The following CDH13 variants were observed in gnomAD, a reference collection of about 807,000 sequenced individuals.
The protein encoded by CDH13 is cadherin 13, also known as cadherin-13.
CDH13 carries 24 observed loss-of-function variants against 63.8 expected under a neutral mutation model. The observed-to-expected ratio is 0.38, with a 90% CI of 0.27 to 0.53. CDH13 has a LOEUF of 0.53. Ranked by LOEUF, CDH13 falls within the 20% of genes least tolerant of loss-of-function variation. CDH13 has a pLI of 0.85. For missense variants in CDH13, 1,049 were observed against 903.1 expected (o/e 1.16, Z -2.07); for synonymous variants, 503 against 355.3 (o/e 1.42, Z -4.67).
chr16:83,289,128 C>T (rs1205522311), intron 5 of CDH13, among the ~76,000 whole-genome samples: 6 of 152,060 alleles, frequency 3.9e-5, no homozygotes, highest in Admixed American at 6.5e-5. Flanking sequence ...CTACAAGAAC[C>T]AAAAAAGACA....
chr16:83,430,431 A>G (rs934956067), intron 6 of CDH13, among the ~76,000 whole-genome samples: 5 of 152,364 alleles, frequency 3.3e-5, no homozygotes, highest in East Asian at 3.9e-4. Context: ...AACCTAATTG[A>G]TGGGAGCTAA....
intron 1 of CDH13, among the ~76,000 whole-genome samples, chr16:82,803,172 G>A (rs961297684): frequency 1.3e-5 from 2 of 152,162 alleles, no homozygotes; most frequent in African/African-American, 4.8e-5. Flanking sequence ...ATAGGTCTAG[G>A]CTACTCTCAG....
At chr16:83,465,990 C>G (rs542594984) in intron 6 of CDH13, among the ~76,000 whole-genome samples, 100 of 152,302 alleles carry the variant, frequency 6.6e-4, no homozygotes, top group Middle Eastern at 3.4e-3. Context: ...GAGGAGAAGT[C>G]TCTTCTGCTT....
At chr16:83,159,800 C>T (rs1046555627) in intron 4 of CDH13, among the ~76,000 whole-genome samples, 2 of 152,126 alleles carry the variant, frequency 1.3e-5, no homozygotes, top group African/African-American at 4.8e-5. Context: ...TGCACCTGGG[C>T]ACGGTGGGTC....
At position 83,113,400 on chromosome 16, in the gene CDH13, C is replaced by A. The variant is rs369921386; in HGVS notation, c.367-11985C>A. Among the ~76,000 whole-genome samples the A allele has an allele frequency of 5.9e-5, 9 of 152,372 alleles. No homozygotes were observed. The South Asian group carries it at 1.9e-3, about 32-fold the overall frequency. Reference sequence around the variant, plus strand: ...GTTACCTGGATTACTCAAATTCTTACAATAACTCTATATTTATTTCATAAT... The same window carrying A: ...GTTACCTGGATTACTCAAATTCTTAAAATAACTCTATATTTATTTCATAAT... On this transcript the variant is annotated intron_variant, in intron 3 of 13. Transcript: ENST00000567109.
At chr16:83,265,246 C>T (rs1907468218) in intron 5 of CDH13, among the ~76,000 whole-genome samples, 1 of 152,058 alleles carries the variant, frequency 6.6e-6, no homozygotes, top group Non-Finnish European at 1.5e-5. Context: ...AAACTGGGAA[C>T]TCTGTTTGCC....
At chr16:82,943,082 C>T (rs1242196473) in intron 2 of CDH13, among the ~76,000 whole-genome samples, 1 of 152,216 alleles carries the variant, frequency 6.6e-6, no homozygotes, top group Non-Finnish European at 1.5e-5. Context: ...TCTTATGGTG[C>T]ATGACTAATT....
intron 2 of CDH13, among the ~76,000 whole-genome samples, chr16:82,954,994 C>A (rs1024905537): frequency 1.3e-5 from 2 of 152,102 alleles, no homozygotes; most frequent in African/African-American, 4.8e-5. Flanking sequence ...AATAATATTC[C>A]ATTGCCTGGA....
chr16:83,357,069 G>A (rs1447027021), intron 6 of CDH13, among the ~76,000 whole-genome samples: 2 of 152,048 alleles, frequency 1.3e-5, no homozygotes, highest in East Asian at 1.9e-4. Context: ...TTGGAAGTGG[G>A]TTGGGGTTCG....
chr16:82,872,934 A>G (rs1034948804), intron 2 of CDH13, among the ~76,000 whole-genome samples: 3 of 152,212 alleles, frequency 2.0e-5, no homozygotes, highest in Non-Finnish European at 4.4e-5. Context: ...CTTTGATGAT[A>G]TCAGAGAGAG....
intron 10 of CDH13, among the ~76,000 whole-genome samples, chr16:83,689,438 A>T (rs1031314036): frequency 1.3e-5 from 2 of 152,212 alleles, no homozygotes. Context: ...TTGTCTATCA[A>T]TCACTAACAC....
At chr16:82,857,476 T>G (rs1224312120) in intron 1 of CDH13, among the ~76,000 whole-genome samples, 1 of 152,170 alleles carries the variant, frequency 6.6e-6, no homozygotes, top group Non-Finnish European at 1.5e-5. Flanking sequence ...GTACTAAACC[T>G]TAAGACCATT....
intron 7 of CDH13, among the ~76,000 whole-genome samples, chr16:83,495,907 C>A (rs1157270610): frequency 6.6e-6 from 1 of 152,002 alleles, no homozygotes; most frequent in Non-Finnish European, 1.5e-5. Flanking sequence ...CTCCCATTCA[C>A]AATTGCTTCA....
At chr16:82,665,384 C>T (rs776227026) in intron 1 of CDH13, among the ~76,000 whole-genome samples, 5 of 152,026 alleles carry the variant, frequency 3.3e-5, no homozygotes, top group African/African-American at 4.8e-5. Flanking sequence ...TAAACCGAGG[C>T]GCACGTAAAA....
chr16:83,691,122 G>GTGTC, intron 10 of CDH13, among the ~76,000 whole-genome samples: 1 of 147,482 alleles, frequency 6.8e-6, no homozygotes, highest in African/African-American at 2.5e-5. Flanking sequence ...GTGTGTGTCA[G>GTGTC]AGAGAGAGAG....
intron 10 of CDH13, among the ~76,000 whole-genome samples, chr16:83,680,727 A>G (rs1915336040): frequency 6.6e-6 from 1 of 152,060 alleles, no homozygotes; most frequent in Admixed American, 6.6e-5. Context: ...AGCCAGTGTA[A>G]TCATCACAGC....
chr16:83,470,962 A>G (rs1386306847), intron 6 of CDH13, among the ~76,000 whole-genome samples: 1 of 152,092 alleles, frequency 6.6e-6, no homozygotes, highest in African/African-American at 2.4e-5. Context: ...TGATTTTTCC[A>G]GCTTCTCGGG....
At chr16:83,013,953 C>A (rs1597407930) in intron 2 of CDH13, among the ~76,000 whole-genome samples, 1 of 152,152 alleles carries the variant, frequency 6.6e-6, no homozygotes, top group Non-Finnish European at 1.5e-5. Context: ...ACATCAGCCT[C>A]ATCTGTATAA....
At chr16:83,181,168 G>T (rs2038338827) in intron 4 of CDH13, 1 of 642,298 alleles carries the variant, frequency 1.6e-6, no homozygotes, top group Non-Finnish European at 2.5e-6. Flanking sequence ...ATCTACTGAA[G>T]GCTTTGCAGC....
Sources: gnomAD v4.1 joint callset for allele counts (sites outside exome capture counted in the v4.1 genomes callset) on GRCh38, gnomAD v4.1.1 for gene constraint, MANE v1.5 for transcripts, NCBI Gene and HGNC (gene_info 2026-07-23, HGNC 2026-07-21) for gene names.